The following SNTG1 variants were observed in gnomAD, a reference collection of about 807,000 sequenced individuals.
SNTG1 encodes gamma-1-syntrophin.
SNTG1 carries 39 observed loss-of-function variants against 74.7 expected under a neutral mutation model. The ratio of observed to expected loss-of-function variants is 0.52; its 90% CI spans 0.40 to 0.68. The LOEUF (loss-of-function observed/expected upper bound fraction) is 0.68, where lower values mean the gene tolerates loss of function less well. Ranked by LOEUF, SNTG1 falls within the 30% of genes least tolerant of loss-of-function variation. The pLI is 0.00. For missense variants in SNTG1, 685 were observed against 609.5 expected (o/e 1.12, Z -1.30); for synonymous variants, 254 against 217.1 (o/e 1.17, Z -1.49).
chr8:50,700,382 G>A (rs980297987), intron 15 of SNTG1, among the ~76,000 whole-genome samples: 3 of 152,250 alleles, frequency 2.0e-5, no homozygotes, highest in Non-Finnish European at 2.9e-5. Context: ...AGATGATTAT[G>A]TTGAAAGTAG....
intron 4 of SNTG1, among the ~76,000 whole-genome samples, chr8:50,429,216 AG>A: frequency 6.6e-6 from 1 of 152,240 alleles, no homozygotes; most frequent in South Asian, 2.1e-4. Flanking sequence ...AAAGAGTTTG[AG>A]GGTTCATATT....
intron 2 of SNTG1, among the ~76,000 whole-genome samples, chr8:50,291,556 G>T (rs780878959): frequency 5.3e-5 from 8 of 152,136 alleles, no homozygotes; most frequent in Non-Finnish European, 8.8e-5. Flanking sequence ...CAGGAAAGTT[G>T]CAGGGCTAGA....
At chr8:49,932,907 T>C (rs1807727032) in intron 1 of SNTG1, among the ~76,000 whole-genome samples, 1 of 152,228 alleles carries the variant, frequency 6.6e-6, no homozygotes, top group South Asian at 2.1e-4. Context: ...TCACTTGGCA[T>C]ACTGTTGCCA....
chr8:50,608,588 G>A (rs2094829392), intron 13 of SNTG1, among the ~76,000 whole-genome samples: 1 of 151,618 alleles, frequency 6.6e-6, no homozygotes, highest in African/African-American at 2.4e-5. Context: ...GTTTTCCAAT[G>A]GTAAATCAAA....
intron 17 of SNTG1, among the ~76,000 whole-genome samples, chr8:50,740,003 C>T (rs1320615557): frequency 6.6e-6 from 1 of 151,776 alleles, no homozygotes; most frequent in Non-Finnish European, 1.5e-5. Flanking sequence ...AATATAAAAC[C>T]CAAACTATAA....
chr8:50,458,004 T>C (rs1163731318), intron 8 of SNTG1: 1 of 152,188 alleles, frequency 6.6e-6, no homozygotes, highest in Non-Finnish European at 1.5e-5. Flanking sequence ...AATCCACAAA[T>C]AGTACATTTG....
chr8:50,774,015 A>G (rs1338174642), intron 18 of SNTG1, among the ~76,000 whole-genome samples: 1 of 152,100 alleles, frequency 6.6e-6, no homozygotes, highest in African/African-American at 2.4e-5. Context: ...AAGAAAGATT[A>G]AGAGAATATG....
chr8:50,587,935 C>A (rs1220158468), intron 12 of SNTG1, among the ~76,000 whole-genome samples: 2 of 151,548 alleles, frequency 1.3e-5, no homozygotes, highest in Non-Finnish European at 1.5e-5. Flanking sequence ...CATGGTGAAA[C>A]CCTATCTCTA....
chr8:50,160,708 T>TA (rs2082389677), intron 1 of SNTG1, among the ~76,000 whole-genome samples: 1 of 152,200 alleles, frequency 6.6e-6, no homozygotes, highest in South Asian at 2.1e-4. Flanking sequence ...TATTGCCTTA[T>TA]AATGTATCCT....
chr8:50,737,167 C>A (rs958613569), intron 17 of SNTG1, among the ~76,000 whole-genome samples: 2 of 151,314 alleles, frequency 1.3e-5, no homozygotes, highest in East Asian at 3.9e-4. Context: ...ACTAGCCGGA[C>A]TAATAAAGAA....
At chr8:50,256,548 G>A (rs182097972) in intron 2 of SNTG1, among the ~76,000 whole-genome samples, 15 of 152,064 alleles carry the variant, frequency 9.9e-5, no homozygotes, top group Admixed American at 2.6e-4. Flanking sequence ...AGGGGAGATG[G>A]ACAATATATA....
At chr8:50,024,532 T>C (rs1461765558) in intron 1 of SNTG1, among the ~76,000 whole-genome samples, 1 of 152,142 alleles carries the variant, frequency 6.6e-6, no homozygotes, top group Non-Finnish European at 1.5e-5. Context: ...CAGTTCCCTT[T>C]ATCAAAGGGA....
At chr8:50,192,394 T>G (rs2083609981) in intron 2 of SNTG1, among the ~76,000 whole-genome samples, 1 of 152,184 alleles carries the variant, frequency 6.6e-6, no homozygotes, top group Admixed American at 6.6e-5. Flanking sequence ...ATGTAACATT[T>G]CCCTGATCAT....
At chr8:50,405,092 G>T (rs2092854670) in intron 4 of SNTG1, among the ~76,000 whole-genome samples, 1 of 151,916 alleles carries the variant, frequency 6.6e-6, no homozygotes, top group South Asian at 2.1e-4. Flanking sequence ...TTGGCTTTTT[G>T]AAAAATGCCT....
chr8:50,633,065 G>T (rs1049490059), intron 13 of SNTG1, among the ~76,000 whole-genome samples: 1 of 152,168 alleles, frequency 6.6e-6, no homozygotes, highest in East Asian at 1.9e-4. Context: ...ATCATTAATT[G>T]GATTTGAGAG....
At chr8:50,291,854 G>A (rs189436433) in intron 2 of SNTG1, among the ~76,000 whole-genome samples, 10 of 152,182 alleles carry the variant, frequency 6.6e-5, no homozygotes, top group East Asian at 3.9e-4. Flanking sequence ...AGAAAAGACC[G>A]GACATGTTGA....
At chr8:50,613,006 G>T (rs2094861543) in intron 13 of SNTG1, among the ~76,000 whole-genome samples, 1 of 152,148 alleles carries the variant, frequency 6.6e-6, no homozygotes, top group Admixed American at 6.6e-5. Context: ...GATTACTGAG[G>T]TTACCAAGGC....
chr8:50,557,940 G>A (rs1043210643), intron 12 of SNTG1, among the ~76,000 whole-genome samples: 1 of 152,158 alleles, frequency 6.6e-6, no homozygotes, highest in African/African-American at 2.4e-5. Flanking sequence ...GCTTCTTGCA[G>A]TTCACACATA....
At chr8:50,651,652 T>G (rs898626774) in intron 13 of SNTG1, among the ~76,000 whole-genome samples, 22 of 151,850 alleles carry the variant, frequency 1.4e-4, no homozygotes, top group African/African-American at 5.1e-4. Context: ...AGACGGGATT[T>G]CTCCATGTAG....
Sources: gnomAD v4.1 joint callset for allele counts (sites outside exome capture counted in the v4.1 genomes callset) on GRCh38, gnomAD v4.1.1 for gene constraint, MANE v1.5 for transcripts, NCBI Gene and HGNC (gene_info 2026-07-23, HGNC 2026-07-21) for gene names.